B3GALNT1: variants seen among roughly 807,000 people sequenced by gnomAD.
B3GALNT1 encodes the protein UDP-GalNAc:beta-1,3-N-acetylgalactosaminyltransferase 1.
In B3GALNT1, 17 loss-of-function variants were observed where a neutral mutation model predicts 27.3. The observed-to-expected ratio is 0.62, with a 90% CI of 0.43 to 0.94. The LOEUF (loss-of-function observed/expected upper bound fraction) is 0.94, where lower values mean the gene tolerates loss of function less well. Among genes scored for constraint, B3GALNT1 ranks in the 40% least tolerant of loss-of-function variants. The pLI, the probability that B3GALNT1 is intolerant of heterozygous loss-of-function variation, is 0.00. For missense variants in B3GALNT1, 347 were observed against 390.0 expected (o/e 0.89, Z 0.93); for synonymous variants, 141 against 144.0 (o/e 0.98, Z 0.15).
chr3:161,093,559 G>A (rs1726510425), intron 4 of B3GALNT1, among the ~76,000 whole-genome samples: 1 of 152,112 alleles, frequency 6.6e-6, no homozygotes, highest in Non-Finnish European at 1.5e-5. Context: ...GGGACGGAGA[G>A]AAGAATCAAC....
Position 161,085,877 on chromosome 3 carries a change from T to C in B3GALNT1, c.878A>G (p.Tyr293Cys). The C allele has an allele frequency of 1.2e-6, 2 of 1,613,796 alleles. No homozygotes were observed. The highest frequency in any genetic ancestry group is 2.2e-5 in the East Asian group (1 of 44,860). ...TTGACAGACATCCAAATGGATTCTA[T>C]ATAGAAAGAAAAGATTTGTGTCTTC... ...IPEDTNLFFL[Y>C]RIHLDVCQLR... Residue 293 changes from tyrosine to cysteine, a missense_variant, in exon 5 of 5, where the codon TAT becomes TGT. Tyr to Cys is a radical substitution (Grantham distance 194). Transcript: ENST00000320474.
rs34865754 is a variant in B3GALNT1 at position 161,101,378 on chromosome 3, C to G, written c.-129-145G>C. The G allele has an allele frequency of 1.0e-3, 400 of 401,048 alleles. 1 individual carries two copies. The highest frequency in any genetic ancestry group is 7.7e-3 in the African/African-American group (371 of 48,024). 24.8% of individuals were successfully genotyped at this position (401,048 alleles called of 1,614,324 possible). A position where few individuals can be genotyped will look rare whatever the true frequency, so the allele number is the denominator to read the frequency against. ...GAGCTGCTGCAGTTAACATTTCTTC[C>G]CATTACTACCCTAAATTGAGAATAT... On this transcript the variant is annotated intron_variant, in intron 3 of 4. Transcript: ENST00000320474.
Position 161,086,107 on chromosome 3 carries a change from T to G in B3GALNT1, c.648A>C (p.Arg216Ser). 6.2e-7 allele frequency: 1 copy of G among 1,604,182 alleles called. No individual in the cohort carries two copies. The highest frequency in any genetic ancestry group is 8.5e-7 in the Non-Finnish European group (1 of 1,175,918). The change falls in exon 5 of 5, where the codon AGA becomes AGC. Residue 216 changes from arginine (R) to serine (S), a missense_variant. Physicochemically the swap from Arg to Ser is moderately radical, Grantham distance 110. Coordinates refer to ENST00000320474, the MANE Select transcript of B3GALNT1 (RefSeq NM_003781.4). ...AAATATGGGTTTTTTGGTAAAATCC[T>G]CTATAGGAATAATTATCAATTAGAG... ...GYPLIDNYSY[R>S]GFYQKTHISY...
intron 4 of B3GALNT1, among the ~76,000 whole-genome samples, chr3:161,099,446 C>T (rs1244410361): frequency 6.6e-6 from 1 of 152,138 alleles, no homozygotes; most frequent in African/African-American, 2.4e-5. Context: ...GATGGGGGGC[C>T]ATTTTAACAG....
At chr3:161,103,039 G>A (rs182772927) in intron 3 of B3GALNT1, 4 of 152,192 alleles carry the variant, frequency 2.6e-5, no homozygotes, top group Admixed American at 1.3e-4. Flanking sequence ...TTTTCCTGAA[G>A]AACCATGGTA....
chr3:161,085,513 T>C lies in B3GALNT1; in HGVS notation c.*246A>G, dbSNP rs1421338922. 1.9e-6 allele frequency: 1 copy of C among 514,528 alleles called. No individual in the cohort carries two copies. Among genetic ancestry groups the C allele is most frequent in the Non-Finnish European group, 3.5e-6 (1 of 288,384 alleles). The allele number at this position is 514,528 out of a possible 1,614,324, so 31.9% of individuals were successfully genotyped here. On this transcript the variant is annotated 3_prime_UTR_variant, in exon 5 of 5. Transcript: ENST00000320474. ...AGAATGACATGTCCAAATTGTTTGGTCCTATTAATTTCTTTAGCAAAAACC... is the reference window on the plus strand; with the variant it reads ...AGAATGACATGTCCAAATTGTTTGGCCCTATTAATTTCTTTAGCAAAAACC...
chr3:161,091,147 T>C (rs1724858771), intron 4 of B3GALNT1, among the ~76,000 whole-genome samples: 1 of 152,066 alleles, frequency 6.6e-6, no homozygotes, highest in South Asian at 2.1e-4. Context: ...CATGAGCCTG[T>C]GGTCCCAGCT....
chr3:161,094,879 C>T (rs917804747), intron 4 of B3GALNT1, among the ~76,000 whole-genome samples: 2 of 152,204 alleles, frequency 1.3e-5, no homozygotes, highest in Admixed American at 1.3e-4. Flanking sequence ...TCTGTCAAGT[C>T]TTCTGGCTCC....
chr3:161,093,150 G>C lies in B3GALNT1; in HGVS notation c.-34-6362C>G, dbSNP rs570849876. ...ACTTGGATTAACCAGTCAGCACAGG[G>C]CCTGGTCCAGGACCAAGAGCACTTA... On this transcript the variant is annotated intron_variant, in intron 4 of 4. Coordinates refer to ENST00000320474, the MANE Select transcript of B3GALNT1 (RefSeq NM_003781.4). Among the ~76,000 whole-genome samples the C allele has an allele frequency of 2.6e-5, 4 of 152,234 alleles. No individual in the cohort carries two copies. The East Asian group carries it at 7.7e-4, about 29-fold the overall frequency.
intron 4 of B3GALNT1, among the ~76,000 whole-genome samples, chr3:161,088,553 C>A (rs1467948666): frequency 1.3e-5 from 2 of 152,146 alleles, no homozygotes; most frequent in Non-Finnish European, 2.9e-5. Context: ...CATACACTGC[C>A]AATCCCAGAA....
intron 2 of B3GALNT1, chr3:161,104,013 C>T: frequency 4.5e-6 from 1 of 224,346 alleles, no homozygotes; most frequent in South Asian, 5.4e-5. Flanking sequence ...TGGCGTGAGC[C>T]ACCGCGCCCG....
In B3GALNT1 at chr3:161,085,510, T is replaced by C; in HGVS notation, c.*249A>G. 2.0e-6 allele frequency: 1 copy of C among 507,956 alleles called. No individual in the cohort carries two copies. Among genetic ancestry groups the C allele is most frequent in the East Asian group, 3.4e-5 (1 of 29,208 alleles). The allele number at this position is 507,956 out of a possible 1,614,324, so 31.5% of individuals were successfully genotyped here. A position where few individuals can be genotyped will look rare whatever the true frequency, so the allele number is the denominator to read the frequency against. On this transcript the variant is annotated 3_prime_UTR_variant, in exon 5 of 5. Coordinates refer to ENST00000320474, the MANE Select transcript of B3GALNT1 (RefSeq NM_003781.4). Reference sequence around the variant, plus strand: ...TACAGAATGACATGTCCAAATTGTTTGGTCCTATTAATTTCTTTAGCAAAA... The same window carrying C: ...TACAGAATGACATGTCCAAATTGTTCGGTCCTATTAATTTCTTTAGCAAAA...
Position 161,099,628 on chromosome 3 carries a change from G to A in B3GALNT1, c.-35+1511C>T, listed in dbSNP as rs1730127178. ...AACAGAATTTTAGGACATTGGGCTA[G>A]GATACCTCTCAGGCACCATCTGGCC... On this transcript the variant is annotated intron_variant, in intron 4 of 4. Coordinates refer to ENST00000320474, the MANE Select transcript of B3GALNT1 (RefSeq NM_003781.4). 4.6e-5 allele frequency among the ~76,000 whole-genome samples: 7 copies of A among 152,308 alleles called. No individual in the cohort carries two copies. The South Asian group carries it at 1.0e-3, about 23-fold the overall frequency.
chr3:161,104,141 T>C (rs7651087), intron 2 of B3GALNT1, 178 bp downstream of exon 2: 179,440 of 361,582 alleles, frequency 0.5, 45,673 homozygotes, highest in East Asian at 0.81. Context: ...TCTTATCTGT[T>C]AGTAATAAAC....
chr3:161,090,934 T>C (rs763706964), intron 4 of B3GALNT1, among the ~76,000 whole-genome samples: 2 of 152,218 alleles, frequency 1.3e-5, no homozygotes, highest in East Asian at 1.9e-4. Context: ...AGGAAGCAAA[T>C]AGCTCTAATT....
At chr3:161,092,986 T>TTA (rs1726132083) in intron 4 of B3GALNT1, among the ~76,000 whole-genome samples, 1 of 152,060 alleles carries the variant, frequency 6.6e-6, no homozygotes, top group Non-Finnish European at 1.5e-5. Context: ...CTCGATCTCC[T>TTA]GACCTTGTGA....
chr3:161,086,601 A>G lies in B3GALNT1; in HGVS notation c.154T>C (p.Phe52Leu). ...CTGTAAATCGGCTCATACTCATAGA[A>G]GTACATCCAGTTCACGCGTTCTATC... ...NVIERVNWMY[F>L]YEYEPIYRQD... Residue 52 changes from phenylalanine to leucine, a missense_variant, in exon 5 of 5, where the codon TTC (phenylalanine) becomes CTC (leucine). By Grantham distance (22) the Phe-to-Leu change is conservative. Transcript: ENST00000320474. 1.2e-6 allele frequency: 2 copies of G among 1,614,242 alleles called. No homozygotes were observed. The highest frequency in any genetic ancestry group is 1.7e-6 in the Non-Finnish European group (2 of 1,180,052).
intron 4 of B3GALNT1, among the ~76,000 whole-genome samples, chr3:161,093,830 G>T (rs909148623): frequency 6.6e-6 from 1 of 150,542 alleles, no homozygotes; most frequent in Admixed American, 6.6e-5. Context: ...AGACCCCATA[G>T]ATAAAAAAAA....
chr3:161,091,534 T>C (rs1285429256), intron 4 of B3GALNT1, among the ~76,000 whole-genome samples: 3 of 152,202 alleles, frequency 2.0e-5, no homozygotes, highest in African/African-American at 7.2e-5. Context: ...GTATCCACAC[T>C]ATATATGCTA....
Sources: gnomAD v4.1 joint callset for allele counts (sites outside exome capture counted in the v4.1 genomes callset) on GRCh38, gnomAD v4.1.1 for gene constraint, MANE v1.5 for transcripts, NCBI Gene and HGNC (gene_info 2026-07-23, HGNC 2026-07-21) for gene names.